DENND6B: variants seen among roughly 807,000 people sequenced by gnomAD.
DENND6B encodes the protein DENN domain containing 6B.
A neutral mutation model predicts 85.1 loss-of-function variants in DENND6B; 73 were observed. That is an observed-to-expected ratio of 0.86 (90% CI 0.71 to 1.04). The LOEUF is 1.04. Ranked by LOEUF, DENND6B falls within the 50% of genes least tolerant of loss-of-function variation. The pLI is 0.00. For missense variants in DENND6B, 715 were observed against 785.8 expected (o/e 0.91, Z 1.08); for synonymous variants, 357 against 329.3 (o/e 1.08, Z -0.91).
At position 50,316,261 on chromosome 22, in the gene DENND6B, T is replaced by C; in HGVS notation, c.560-8A>G. 1 of 1,595,572 alleles carries C rather than the reference T, an allele frequency of 6.3e-7. No homozygotes were observed. On this transcript the variant is annotated splice_region_variant and splice_polypyrimidine_tract_variant and intron_variant, in intron 6 of 19. Transcript: ENST00000413817. ...GGTCGATCTCACTGCACACTGCGGATGCAGTAGCCCGCATCAGGACCCTCC... is the reference window on the plus strand; with the variant it reads ...GGTCGATCTCACTGCACACTGCGGACGCAGTAGCCCGCATCAGGACCCTCC...
chr22:50,312,978 C>G, intron 17 of DENND6B, 21 bp downstream of exon 17: 1 of 1,543,098 alleles, frequency 6.5e-7, no homozygotes, highest in Non-Finnish European at 8.8e-7. Context: ...CTCAAGCTGC[C>G]TGCACCTGCA....
intron 1 of DENND6B, among the ~76,000 whole-genome samples, chr22:50,325,334 CT>C (rs67536916): frequency 0.16 from 20,037 of 123,616 alleles, 1,267 homozygotes; most frequent in African/African-American, 0.31. Context: ...GAGGAACCTC[CT>C]TTTTTTTTTT....
intron 4 of DENND6B, among the ~76,000 whole-genome samples, chr22:50,317,603 G>T (rs977401838): frequency 1.3e-5 from 2 of 152,152 alleles, no homozygotes; most frequent in Non-Finnish European, 2.9e-5. Flanking sequence ...GTCCGCTGGT[G>T]TAGTGGAGAG....
chr22:50,312,930 C>T (rs575368229), intron 17 of DENND6B, 69 bp downstream of exon 17: 17 of 1,351,328 alleles, frequency 1.3e-5, no homozygotes, highest in Middle Eastern at 5.0e-4. Flanking sequence ...GATTGACAGG[C>T]GGGGGGCCAT....
In DENND6B at chr22:50,317,798, T is replaced by G. The variant is rs1414289237; in HGVS notation, c.372+110A>C. 2.6e-6 allele frequency: 3 copies of G among 1,149,390 alleles called. No individual in the cohort carries two copies. The East Asian group carries it at 7.8e-5, about 30-fold the overall frequency. 71.2% of individuals were successfully genotyped at this position (1,149,390 alleles called of 1,614,324 possible). ...AGTGGGGCCTGGCCAGCTCCTCTCCTGCCACACAGGGCCCAGGCACTCTGA... is the reference window on the plus strand; with the variant it reads ...AGTGGGGCCTGGCCAGCTCCTCTCCGGCCACACAGGGCCCAGGCACTCTGA... On this transcript the variant is annotated intron_variant, in intron 4 of 19. Coordinates refer to ENST00000413817, the MANE Select transcript of DENND6B (RefSeq NM_001001794.4).
At chr22:50,319,542 G>C (rs1193054618) in intron 1 of DENND6B, 2 of 983,014 alleles carry the variant, frequency 2.0e-6, no homozygotes, top group East Asian at 2.3e-4. Flanking sequence ...CCCCTCACCC[G>C]GGATGGTCAC....
In DENND6B at chr22:50,312,048, G is replaced by C. The variant is rs1226555743; in HGVS notation, c.*91C>G. On this transcript the variant is annotated 3_prime_UTR_variant, in exon 20 of 20. Transcript: ENST00000413817. ...AGTCTGGGCGGGGGGCCAAGGAAGG[G>C]GAGCGTGTGCTTGGCCCAGTGCCGC... 1 of 1,533,872 alleles carries C rather than the reference G, an allele frequency of 6.5e-7. No homozygotes were observed. Among genetic ancestry groups the C allele is most frequent in the Non-Finnish European group, 8.8e-7 (1 of 1,141,898 alleles).
intron 12 of DENND6B, 22 bp downstream of exon 12, chr22:50,314,378 T>C: frequency 6.4e-7 from 1 of 1,565,426 alleles, no homozygotes; most frequent in East Asian, 2.4e-5. Flanking sequence ...CAGCACCCCC[T>C]GCACCTCACC....
chr22:50,316,639 C>G, intron 5 of DENND6B, 164 bp from the exon 6 acceptor site: 1 of 1,526,422 alleles, frequency 6.6e-7, no homozygotes, highest in Non-Finnish European at 8.8e-7. Context: ...GACTTGGACC[C>G]CAGAATTATT....
chr22:50,313,593 C>T, intron 15 of DENND6B, 42 bp downstream of exon 15: 2 of 1,523,538 alleles, frequency 1.3e-6, no homozygotes, highest in Non-Finnish European at 8.8e-7. Context: ...TCCCCCCAGC[C>T]CCGTGCCCCC....
chr22:50,326,950 G>A lies in DENND6B; in HGVS notation c.39C>T (p.Arg13=). 2 of 1,278,540 alleles carry A rather than the reference G, an allele frequency of 1.6e-6. No individual in the cohort carries two copies. Among genetic ancestry groups the A allele is most frequent in the South Asian group, 2.5e-5 (1 of 40,018 alleles). 79.2% of individuals were successfully genotyped at this position (1,278,540 alleles called of 1,614,324 possible). The change falls in exon 1 of 20, where the codon CGC becomes CGT. Residue 13 remains arginine, a synonymous_variant. Transcript: ENST00000413817. Reference sequence around the variant, plus strand: ...TGGGTCCAGCCGCGCCCAGGCAGCCGCGAGCCCGGCGAGGCCCTGTGCCCA... The same window carrying A: ...TGGGTCCAGCCGCGCCCAGGCAGCCACGAGCCCGGCGAGGCCCTGTGCCCA... ...ALLGTGPRRA[R]GCLGAAGPTS... is the part of the protein sequence containing the mutation.
Position 50,313,035 on chromosome 22 carries a change from G to A in DENND6B, c.1421C>T (p.Thr474Ile). The change falls in exon 17 of 20, where the codon ACC becomes ATC. Residue 474 changes from threonine to isoleucine, a missense_variant. Transcript: ENST00000413817. ...CAGCCAGTCGCCCTTGAGGATGCAG[G>A]TGAGCTGGGGCCCAGCATGCTCCAG... ...RSLEHAGPQLTCILKGDWLGL... is the reference protein window; with the variant it reads ...RSLEHAGPQLICILKGDWLGL... 1 of 1,563,140 alleles carries A rather than the reference G, an allele frequency of 6.4e-7. No individual in the cohort carries two copies. Among genetic ancestry groups the A allele is most frequent in the Non-Finnish European group, 8.7e-7 (1 of 1,154,542 alleles).
At chr22:50,326,562 C>A (rs1013993647) in intron 1 of DENND6B, among the ~76,000 whole-genome samples, 1 of 152,212 alleles carries the variant, frequency 6.6e-6, no homozygotes, top group South Asian at 2.1e-4. Context: ...TGGGAAAAAT[C>A]GAAAGAGTAC....
In DENND6B at chr22:50,316,240, G is replaced by A. The variant is rs373579852; in HGVS notation, c.573C>T (p.Ile191=). Residue 191 remains isoleucine, a synonymous_variant, in exon 7 of 20, where the codon ATC becomes ATT. Transcript: ENST00000413817. ...APCLEAVCSE[I]DQWPAPAPGQ... ...CAGGTGCAGGCGCCGGCCACTGGTCGATCTCACTGCACACTGCGGATGCAG... is the reference window on the plus strand; with the variant it reads ...CAGGTGCAGGCGCCGGCCACTGGTCAATCTCACTGCACACTGCGGATGCAG... The A allele has an allele frequency of 1.2e-4, 194 of 1,606,478 alleles. No individual in the cohort carries two copies. In the African/African-American group the frequency reaches 1.3e-3, roughly 11 times the overall value.
chr22:50,323,721 C>CTTTTTTTTTTTTTTT (rs146060526), intron 1 of DENND6B, among the ~76,000 whole-genome samples: 4 of 104,590 alleles, frequency 3.8e-5, no homozygotes, highest in African/African-American at 3.9e-5. Context: ...CACGCCTAGC[C>CTTTTTTTTTTTTTTT]TTTTTTTTTT....
At chr22:50,316,601 TCACAGGACAG>T (rs1409177511) in intron 5 of DENND6B, 126 bp from the exon 6 acceptor site, 3 of 1,539,650 alleles carry the variant, frequency 1.9e-6, no homozygotes, top group Middle Eastern at 1.7e-4. Flanking sequence ...CCCACCAACT[TCACAGGACAG>T]CTGCCCCAGG....
At chr22:50,323,320 A>T (rs1157407483) in intron 1 of DENND6B, among the ~76,000 whole-genome samples, 1 of 127,688 alleles carries the variant, frequency 7.8e-6, no homozygotes, top group African/African-American at 3.0e-5. Context: ...GCTGCACTCC[A>T]GCTCTGTCAC....
chr22:50,318,001 C>G lies in DENND6B; in HGVS notation c.279G>C (p.Gln93His), dbSNP rs1396148210. ...DSHSGCLGDT[Q>H]FSFRMRQCGG... ...CACACTGGCGCATGCGGAAGCTGAA[C>G]TGAGTGTCTCCAAGGCAGCCTAAGA... is the stretch of plus-strand genomic sequence containing the variant. The change falls in exon 4 of 20, where the codon CAG (glutamine) becomes CAC (histidine). Residue 93 changes from glutamine (Q) to histidine (H), a missense_variant. Transcript: ENST00000413817. 1 of 1,612,506 alleles carries G rather than the reference C, an allele frequency of 6.2e-7. No individual in the cohort carries two copies. Among genetic ancestry groups the G allele is most frequent in the Non-Finnish European group, 8.5e-7 (1 of 1,179,658 alleles).
chr22:50,316,116 G>C (rs1001616256), intron 7 of DENND6B, 29 bp from the exon 8 acceptor site: 55 of 1,612,582 alleles, frequency 3.4e-5, no homozygotes, highest in Non-Finnish European at 4.1e-5. Flanking sequence ...AGCTGCCAGA[G>C]GGAGTAGGGC....
Sources: gnomAD v4.1 joint callset for allele counts (sites outside exome capture counted in the v4.1 genomes callset) on GRCh38, gnomAD v4.1.1 for gene constraint, MANE v1.5 for transcripts, NCBI Gene and HGNC (gene_info 2026-07-23, HGNC 2026-07-21) for gene names.